Variants in TMCC3 observed in about 807,000 individuals in gnomAD.
The protein encoded by TMCC3 is transmembrane and coiled-coil domain family 3.
In TMCC3, 28 loss-of-function variants were observed where a neutral mutation model predicts 40.2. The ratio of observed to expected loss-of-function variants is 0.70; its 90% confidence interval spans 0.52 to 0.95. The LOEUF is 0.95. Ranked by LOEUF, TMCC3 falls within the 40% of genes least tolerant of loss-of-function variation. TMCC3 has a pLI of 0.00. For synonymous variants in TMCC3, 255 were observed against 248.5 expected, an observed-to-expected ratio of 1.03 and a Z score of -0.25; for missense variants, 554 against 615.2, an observed-to-expected ratio of 0.90 and a Z score of 1.05.
At chr12:94,623,896 G>A (rs951252482) in intron 1 of TMCC3, among the ~76,000 whole-genome samples, 2 of 152,222 alleles carry the variant, frequency 1.3e-5, no homozygotes, top group Non-Finnish European at 2.9e-5. Context: ...CTCCAACCTG[G>A]TTTTGGACAA....
At chr12:94,603,394 G>C (rs2068764074) in intron 1 of TMCC3, among the ~76,000 whole-genome samples, 1 of 151,778 alleles carries the variant, frequency 6.6e-6, no homozygotes, top group Non-Finnish European at 1.5e-5. Flanking sequence ...TGGTATTATG[G>C]GCATGAGCCA....
chr12:94,611,199 C>T (rs181524347), intron 1 of TMCC3, among the ~76,000 whole-genome samples: 1 of 152,212 alleles, frequency 6.6e-6, no homozygotes, highest in Non-Finnish European at 1.5e-5. Flanking sequence ...TAACTCCCTA[C>T]TGAAAAGAGA....
intron 1 of TMCC3, among the ~76,000 whole-genome samples, chr12:94,641,199 C>A (rs373483910): frequency 4.9e-5 from 7 of 143,054 alleles, no homozygotes; most frequent in Admixed American, 7.0e-5. Context: ...GACCCTGTCT[C>A]AAAAAAAAAA....
At chr12:94,625,298 A>G (rs1043077601) in intron 1 of TMCC3, among the ~76,000 whole-genome samples, 6 of 151,646 alleles carry the variant, frequency 4.0e-5, no homozygotes, top group Non-Finnish European at 5.9e-5. Flanking sequence ...TGACTTTAAT[A>G]GTAAATGGGC....
intron 1 of TMCC3, among the ~76,000 whole-genome samples, chr12:94,623,793 C>T (rs1247159420): frequency 6.6e-6 from 1 of 152,234 alleles, no homozygotes; most frequent in African/African-American, 2.4e-5. Context: ...CCCTGGACCT[C>T]ATGGTGGGGA....
rs375122780 is a variant in TMCC3 at position 94,631,829 on chromosome 12, G to A, written c.78+18524C>T. ...CTACTTTCTAACTGTGGAAACTGAC[G>A]CTCCAAACTTTTCATAATGCTGCAG... On this transcript the variant is annotated intron_variant, in intron 1 of 3. Transcript: ENST00000261226. Among the ~76,000 whole-genome samples, 6 of 152,242 alleles carry A rather than the reference G, an allele frequency of 3.9e-5. No individual in the cohort carries two copies. In the East Asian group the frequency reaches 9.6e-4, roughly 24 times the overall value.
chr12:94,612,917 G>A (rs1173122997), intron 1 of TMCC3, among the ~76,000 whole-genome samples: 1 of 152,148 alleles, frequency 6.6e-6, no homozygotes, highest in Admixed American at 6.6e-5. Context: ...GTAGGTTAGA[G>A]GAGCAAGTGC....
chr12:94,628,335 A>T (rs1339489686), intron 1 of TMCC3, among the ~76,000 whole-genome samples: 1 of 152,100 alleles, frequency 6.6e-6, no homozygotes, highest in Non-Finnish European at 1.5e-5. Flanking sequence ...CATCAATAAA[A>T]AACCCGCCTG....
intron 1 of TMCC3, among the ~76,000 whole-genome samples, chr12:94,606,640 A>T (rs913067248): frequency 6.6e-6 from 1 of 152,152 alleles, no homozygotes; most frequent in African/African-American, 2.4e-5. Context: ...AAAGAGAAAG[A>T]GTACAAAGAG....
At chr12:94,584,975 GA>G (rs1246472684) in intron 1 of TMCC3, among the ~76,000 whole-genome samples, 1 of 152,042 alleles carries the variant, frequency 6.6e-6, no homozygotes, top group African/African-American at 2.4e-5. Flanking sequence ...ACCCAAACAG[GA>G]ACAGGTTCAA....
At chr12:94,640,562 G>A (rs1287332559) in intron 1 of TMCC3, among the ~76,000 whole-genome samples, 2 of 152,150 alleles carry the variant, frequency 1.3e-5, no homozygotes, top group Non-Finnish European at 2.9e-5. Context: ...CTGATACTTT[G>A]AAAATAAATG....
Position 94,614,655 on chromosome 12 carries a change from C to CTGTTTG in TMCC3, c.79-32118_79-32117insCAAACA, listed in dbSNP as rs199603817. Among the ~76,000 whole-genome samples, 294 of 152,254 alleles carry CTGTTTG rather than the reference C, an allele frequency of 1.9e-3. 1 individual carries two copies. Among genetic ancestry groups the CTGTTTG allele is most frequent in the African/African-American group, 6.8e-3 (281 of 41,544 alleles). On this transcript the variant is annotated intron_variant, in intron 1 of 3. Coordinates refer to ENST00000261226, the MANE Select transcript of TMCC3 (RefSeq NM_020698.4). Reference sequence around the variant, plus strand: ...TTATTCCAATTGAAACTGTGTGCATCAAGCTCTGTCAACTGTTGCACTCAC... The same window carrying CTGTTTG: ...TTATTCCAATTGAAACTGTGTGCATCTGTTTGAAGCTCTGTCAACTGTTGCACTCAC...
chr12:94,591,556 C>T (rs2068675767), intron 1 of TMCC3, among the ~76,000 whole-genome samples: 1 of 151,986 alleles, frequency 6.6e-6, no homozygotes, highest in Non-Finnish European at 1.5e-5. Context: ...TCGAAACCAG[C>T]CTGGGCAATA....
At chr12:94,647,797 C>A (rs1462046204) in intron 1 of TMCC3, among the ~76,000 whole-genome samples, 1 of 152,220 alleles carries the variant, frequency 6.6e-6, no homozygotes, top group Non-Finnish European at 1.5e-5. Context: ...ACTTTCTGCA[C>A]AGTAAAATTG....
rs113670359 is a variant in TMCC3 at position 94,627,101 on chromosome 12, A to T, written c.78+23252T>A. 5.1e-3 allele frequency among the ~76,000 whole-genome samples: 776 copies of T among 152,112 alleles called. 4 individuals carry two copies. The highest frequency in any genetic ancestry group is 6.6e-3 in the Non-Finnish European group (451 of 67,974). ...GGTCTCGAACTCCTGACCTCAAGTG[A>T]TCTGCCCACCTCCCAAGATGCTGGG... On this transcript the variant is annotated intron_variant, in intron 1 of 3. Coordinates refer to ENST00000261226, the MANE Select transcript of TMCC3 (RefSeq NM_020698.4).
At chr12:94,583,582 GA>G (rs1020442165) in intron 1 of TMCC3, among the ~76,000 whole-genome samples, 4 of 152,186 alleles carry the variant, frequency 2.6e-5, no homozygotes, top group African/African-American at 9.7e-5. Flanking sequence ...GCCATTTAGG[GA>G]AAAGAACTGC....
intron 1 of TMCC3, among the ~76,000 whole-genome samples, chr12:94,592,289 C>T (rs933544262): frequency 9.9e-5 from 15 of 152,006 alleles, no homozygotes; most frequent in Non-Finnish European, 2.1e-4. Flanking sequence ...TTATTCCTCG[C>T]ATCCCCCCTT....
chr12:94,582,572 T>G (rs2068611676), intron 1 of TMCC3, 34 bp from the exon 2 acceptor site: 7 of 1,532,896 alleles, frequency 4.6e-6, no homozygotes, highest in Non-Finnish European at 6.2e-6. Flanking sequence ...CATTAAAATT[T>G]GAAGTCAAAG....
intron 2 of TMCC3, among the ~76,000 whole-genome samples, 188 bp from the exon 3 acceptor site, chr12:94,578,717 G>T (rs2068582981): frequency 6.6e-6 from 1 of 152,218 alleles, no homozygotes; most frequent in East Asian, 1.9e-4. Flanking sequence ...GCTCTGGAAA[G>T]ATCCAGTCTC....
Sources: allele counts gnomAD v4.1 joint callset (sites outside exome capture counted in the v4.1 genomes callset), GRCh38; gene constraint gnomAD v4.1.1; transcripts MANE v1.5; gene names NCBI Gene and HGNC (gene_info 2026-07-23, HGNC 2026-07-21).